The following TIAM1 variants were observed in gnomAD, a reference collection of about 807,000 sequenced individuals.
The protein encoded by TIAM1 is rho guanine nucleotide exchange factor TIAM1.
In TIAM1, 65 loss-of-function variants were observed where a neutral mutation model predicts 163.5. That is an observed-to-expected ratio of 0.40 (90% confidence interval 0.33 to 0.49). The LOEUF is 0.49. TIAM1 is among the 20% of genes least tolerant of loss of function. TIAM1 has a pLI of 0.77. For synonymous variants in TIAM1, 833 were observed against 810.1 expected (o/e 1.03, Z -0.48); for missense variants, 1,789 against 2,044.7 (o/e 0.87, Z 2.41).
At chr21:31,419,034 C>T (rs1280583441) in intron 2 of TIAM1, among the ~76,000 whole-genome samples, 2 of 152,158 alleles carry the variant, frequency 1.3e-5, no homozygotes, top group African/African-American at 4.8e-5. Flanking sequence ...CTGCCGGGCA[C>T]ACCAGGGCTG....
chr21:31,408,253 T>C lies in TIAM1; in HGVS notation c.-369+55730A>G, dbSNP rs191669552. Among the ~76,000 whole-genome samples the C allele has an allele frequency of 6.5e-4, 99 of 152,308 alleles. No homozygotes were observed. The Middle Eastern group carries it at 0.01, about 16-fold the overall frequency. Reference sequence around the variant, plus strand: ...TATTTTTACATTTGTGGCCAAAATCTTACACTTGTAAAGAAAAGAGAAAGA... The same window carrying C: ...TATTTTTACATTTGTGGCCAAAATCCTACACTTGTAAAGAAAAGAGAAAGA... On this transcript the variant is annotated intron_variant, in intron 2 of 28. Coordinates refer to the TIAM1 transcript ENST00000286827.
intron 2 of TIAM1, among the ~76,000 whole-genome samples, chr21:31,393,067 T>C (rs2076995740): frequency 6.6e-6 from 1 of 151,924 alleles, no homozygotes; most frequent in Admixed American, 6.6e-5. Flanking sequence ...GCAATTCTCA[T>C]GCCTCAGCCT....
chr21:31,130,423 T>A (rs952216859), intron 24 of TIAM1, 108 bp from the exon 25 acceptor site: 2 of 832,442 alleles, frequency 2.4e-6, no homozygotes, highest in Admixed American at 4.3e-5. Flanking sequence ...ACTCTAGGCG[T>A]GCCCAAAGGA....
At chr21:31,127,004 C>T in intron 26 of TIAM1, 61 bp downstream of exon 26, 2 of 1,550,208 alleles carry the variant, frequency 1.3e-6, no homozygotes, top group Non-Finnish European at 1.8e-6. Flanking sequence ...ACGTAAGACA[C>T]CAAACCGTTC....
At chr21:31,542,191 C>T (rs1158829751) in intron 1 of TIAM1, among the ~76,000 whole-genome samples, 8 of 151,388 alleles carry the variant, frequency 5.3e-5, no homozygotes, top group South Asian at 2.1e-4. Context: ...TTTGGGAGGC[C>T]GAGGCGGGAG....
At chr21:31,519,190 A>T (rs1476239679) in intron 1 of TIAM1, among the ~76,000 whole-genome samples, 1 of 151,992 alleles carries the variant, frequency 6.6e-6, no homozygotes, top group Non-Finnish European at 1.5e-5. Flanking sequence ...CTGTAATCTC[A>T]GCTACTCAGG....
At chr21:31,463,602 G>A (rs1413898425) in intron 2 of TIAM1, among the ~76,000 whole-genome samples, 4 of 152,052 alleles carry the variant, frequency 2.6e-5, no homozygotes, top group Non-Finnish European at 5.9e-5. Flanking sequence ...CGGATCACCT[G>A]AGGTAAGGAG....
Position 31,429,167 on chromosome 21 carries a change from G to A in TIAM1, c.-369+34816C>T, listed in dbSNP as rs143827537. Among the ~76,000 whole-genome samples, 194 of 152,026 alleles carry A rather than the reference G, an allele frequency of 1.3e-3. 4 individuals carry two copies. In the East Asian group the frequency reaches 0.031, roughly 24 times the overall value. ...GGTGTGCACATGACCAGGCCCAGCT[G>A]GGTTTTGTATTTTTTGTAGAGACAG... On this transcript the variant is annotated intron_variant, in intron 2 of 28. Coordinates refer to the TIAM1 transcript ENST00000286827.
chr21:31,139,086 C>T (rs2082733236), intron 22 of TIAM1, among the ~76,000 whole-genome samples: 1 of 152,186 alleles, frequency 6.6e-6, no homozygotes, highest in South Asian at 2.1e-4. Context: ...TCTTACATAT[C>T]AGAATTTCAT....
At position 31,141,621 on chromosome 21, in the gene TIAM1, T is replaced by C; in HGVS notation, c.3476-117A>G. On this transcript the variant is annotated intron_variant, in intron 20 of 27. Coordinates refer to ENST00000541036, the MANE Select transcript of TIAM1 (RefSeq NM_001353694.2). The surrounding 1 kb of genome is among the most constrained non-coding windows in gnomAD (Gnocchi z 4.7). ...CCTTTTTGCAGGACTGAGCAGAGAG[T>C]GGGTGGCAGGAAGAGGGACAGGTAG... 8.5e-7 allele frequency: 1 copy of C among 1,171,004 alleles called. No homozygotes were observed. Among genetic ancestry groups the C allele is most frequent in the Non-Finnish European group, 1.2e-6 (1 of 832,460 alleles). The allele number at this position is 1,171,004 out of a possible 1,614,324, so 72.5% of individuals were successfully genotyped here.
At chr21:31,537,137 T>C (rs913464741) in intron 1 of TIAM1, among the ~76,000 whole-genome samples, 2 of 152,178 alleles carry the variant, frequency 1.3e-5, no homozygotes, top group Non-Finnish European at 2.9e-5. Context: ...ATCTGAACCA[T>C]TGGATCTGGG....
intron 22 of TIAM1, among the ~76,000 whole-genome samples, chr21:31,139,628 A>G (rs1019107425): frequency 6.6e-6 from 1 of 152,034 alleles, no homozygotes; most frequent in African/African-American, 2.4e-5. Context: ...TTTTCTTCTT[A>G]TAAAGTTTTA....
rs190605493 is a variant in TIAM1, at chr21:31,462,709, G to A, written c.-369+1274C>T. Among the ~76,000 whole-genome samples, 9 of 150,816 alleles carry A rather than the reference G, an allele frequency of 6.0e-5. No homozygotes were observed. In the East Asian group the frequency reaches 1.8e-3, roughly 30 times the overall value. On this transcript the variant is annotated intron_variant, in intron 2 of 28. Transcript: ENST00000286827. ...CTGGAGATTCTATAGTGACCTCTCC[G>A]AACTGCCTACCTAACCCCACTTTTT...
chr21:31,143,751 G>A (rs1284111753), intron 20 of TIAM1, among the ~76,000 whole-genome samples: 6 of 150,052 alleles, frequency 4.0e-5, no homozygotes, highest in East Asian at 1.9e-4. Flanking sequence ...TTTCTGAGAC[G>A]GAGTCTCGAT....
In TIAM1 at chr21:31,196,446, G is replaced by A. The variant is rs143520000; in HGVS notation, c.2494-1141C>T. 9.9e-3 allele frequency among the ~76,000 whole-genome samples: 1,503 copies of A among 151,496 alleles called. 13 individuals carry two copies. The highest frequency in any genetic ancestry group is 0.016 in the Non-Finnish European group (1,084 of 67,934). Reference sequence around the variant, plus strand: ...CCTGCCTCAGCCTCCTGAGTAGCTGGGATTACAGGCGTTTGCTACCACATC... The same window carrying A: ...CCTGCCTCAGCCTCCTGAGTAGCTGAGATTACAGGCGTTTGCTACCACATC... On this transcript the variant is annotated intron_variant, in intron 12 of 27. Transcript: ENST00000541036.
chr21:31,297,897 A>C (rs1250837400), intron 2 of TIAM1, among the ~76,000 whole-genome samples: 1 of 152,246 alleles, frequency 6.6e-6, no homozygotes, highest in African/African-American at 2.4e-5. Flanking sequence ...CCTAGTGCTC[A>C]AAAGGAATAC....
At chr21:31,258,836 A>T (rs1169580808) in intron 4 of TIAM1, among the ~76,000 whole-genome samples, 2 of 151,694 alleles carry the variant, frequency 1.3e-5, no homozygotes, top group Non-Finnish European at 2.9e-5. Context: ...AAAACCAGAA[A>T]GATATATTGA....
intron 2 of TIAM1, among the ~76,000 whole-genome samples, chr21:31,436,737 C>G (rs1233111396): frequency 6.6e-6 from 1 of 152,008 alleles, no homozygotes; most frequent in Admixed American, 6.6e-5. Flanking sequence ...GCAGGCAGAT[C>G]GTCTGAGGTT....
intron 2 of TIAM1, among the ~76,000 whole-genome samples, chr21:31,299,428 G>A (rs138794535): frequency 1.3e-5 from 2 of 152,254 alleles, no homozygotes; most frequent in Admixed American, 1.3e-4. Flanking sequence ...GTTATTTCTT[G>A]TTGGGACTTG....
Sources: allele counts gnomAD v4.1 joint callset (sites outside exome capture counted in the v4.1 genomes callset), GRCh38; gene constraint gnomAD v4.1.1; non-coding constraint Gnocchi (gnomAD v3.1); transcripts MANE v1.5; gene names NCBI Gene and HGNC (gene_info 2026-07-23, HGNC 2026-07-21).